ARHGEF28: variants seen among roughly 807,000 people sequenced by gnomAD.
The protein encoded by ARHGEF28 is Rho guanine nucleotide exchange factor 28, also known as 190 kDa guanine nucleotide exchange factor.
In ARHGEF28, 152 loss-of-function variants were observed where a neutral mutation model predicts 206.6. The ratio of observed to expected loss-of-function variants is 0.74; its 90% CI spans 0.64 to 0.84. The LOEUF is 0.84. Ranked by LOEUF, ARHGEF28 falls within the 40% of genes least tolerant of loss-of-function variation. The pLI is 0.00. For synonymous variants in ARHGEF28, 763 were observed against 776.4 expected, an observed-to-expected ratio of 0.98 and a Z score of 0.29; for missense variants, 2,028 against 2,073.2, an observed-to-expected ratio of 0.98 and a Z score of 0.42.
chr5:73,892,162 T>C lies in ARHGEF28; in HGVS notation c.3498T>C (p.Tyr1166=), dbSNP rs367976947. The change falls in exon 27 of 36, where the codon TAT becomes TAC. Residue 1166 remains tyrosine, a synonymous_variant. Transcript: ENST00000513042. ...ISASSAGPEM[Y]EIHTNSKEER... ...CTTCATCTGCTGGTCCTGAGATGTA[T>C]GAAATTCACACCAATTCCAAGGAGG... 4.1e-5 allele frequency: 65 copies of C among 1,583,120 alleles called. No homozygotes were observed. The African/African-American group carries it at 7.0e-4, about 17-fold the overall frequency.
chr5:73,827,406 G>A (rs1180129879), intron 9 of ARHGEF28, among the ~76,000 whole-genome samples: 1 of 152,126 alleles, frequency 6.6e-6, no homozygotes, highest in Non-Finnish European at 1.5e-5. Flanking sequence ...TAAATATTTA[G>A]GAAGCATAAC....
chr5:73,807,860 T>C (rs1407381506), intron 9 of ARHGEF28, among the ~76,000 whole-genome samples: 1 of 151,540 alleles, frequency 6.6e-6, no homozygotes, highest in Non-Finnish European at 1.5e-5. Flanking sequence ...TTATATTTAT[T>C]AATAATAGAT....
intron 8 of ARHGEF28, 76 bp from the exon 9 acceptor site, chr5:73,795,255 T>C (rs938267561): frequency 2.9e-6 from 4 of 1,376,726 alleles, no homozygotes; most frequent in Non-Finnish European, 2.0e-6. Context: ...AGGTTGTTTT[T>C]CTAGTTCACA....
chr5:73,713,588 G>C (rs1749385327), intron 2 of ARHGEF28, among the ~76,000 whole-genome samples: 1 of 152,068 alleles, frequency 6.6e-6, no homozygotes, highest in African/African-American at 2.4e-5. Flanking sequence ...ATGTAATCTT[G>C]ACATGTTTGT....
intron 9 of ARHGEF28, among the ~76,000 whole-genome samples, chr5:73,814,484 G>T (rs1580655166): frequency 6.6e-6 from 1 of 151,794 alleles, no homozygotes; most frequent in African/African-American, 2.4e-5. Flanking sequence ...GCTGGGCTTA[G>T]CTGGCAGTGA....
intron 4 of ARHGEF28, among the ~76,000 whole-genome samples, chr5:73,766,020 C>G (rs1369456893): frequency 6.6e-6 from 1 of 151,742 alleles, no homozygotes; most frequent in Non-Finnish European, 1.5e-5. Context: ...GGCGCAGTGG[C>G]GGGTGCCTGT....
intron 18 of ARHGEF28, 106 bp from the exon 19 acceptor site, chr5:73,867,770 A>T (rs957425932): frequency 1.4e-6 from 2 of 1,442,114 alleles, no homozygotes; most frequent in Admixed American, 3.8e-5. Flanking sequence ...CATGCATCAG[A>T]TTACAAGTAG....
chr5:73,721,080 A>G (rs1159534605), intron 2 of ARHGEF28, among the ~76,000 whole-genome samples: 1 of 152,148 alleles, frequency 6.6e-6, no homozygotes, highest in Non-Finnish European at 1.5e-5. Flanking sequence ...TGAGAATCTG[A>G]AGAACAGGAA....
rs1288359486 is a variant in ARHGEF28, at chr5:73,883,834, G to A, written c.3005G>A (p.Arg1002His). ...IPECILLVTQ[R>H]ITKYPVLVER... ...GAATGCATTCTGTTGGTCACTCAGC[G>A]TATTACAAAATACCCTGTCTTGGTG... The change falls in exon 24 of 36, where the codon CGT (arginine) becomes CAT (histidine). Residue 1002 changes from arginine (R) to histidine (H), a missense_variant. Transcript: ENST00000513042. The A allele has an allele frequency of 1.0e-5, 16 of 1,579,030 alleles. No individual in the cohort carries two copies. Among genetic ancestry groups the A allele is most frequent in the Middle Eastern group, 1.7e-4 (1 of 6,040 alleles).
At chr5:73,783,970 T>A (rs1330997198) in intron 7 of ARHGEF28, among the ~76,000 whole-genome samples, 1 of 152,194 alleles carries the variant, frequency 6.6e-6, no homozygotes, top group Admixed American at 6.5e-5. Context: ...TTTGTATTTG[T>A]CTACCCTTGA....
At chr5:73,766,620 C>CT (rs1035709990) in intron 4 of ARHGEF28, among the ~76,000 whole-genome samples, 20 of 152,196 alleles carry the variant, frequency 1.3e-4, no homozygotes, top group African/African-American at 4.6e-4. Context: ...AGTGTGATGA[C>CT]TTGGCCCTGC....
At chr5:73,663,637 C>G (rs746346036) in intron 1 of ARHGEF28, among the ~76,000 whole-genome samples, 1 of 152,214 alleles carries the variant, frequency 6.6e-6, no homozygotes, top group Non-Finnish European at 1.5e-5. Context: ...TGTTGGCAAA[C>G]AGTTCATGTG....
chr5:73,912,159 GA>G (rs1402639985), intron 35 of ARHGEF28, among the ~76,000 whole-genome samples: 2 of 151,928 alleles, frequency 1.3e-5, no homozygotes, highest in East Asian at 3.9e-4. Flanking sequence ...AAGTATAAAT[GA>G]AAGGCAGCTC....
In ARHGEF28 at chr5:73,795,690, A is replaced by G. The variant is rs1665257356; in HGVS notation, c.1024+299A>G. On this transcript the variant is annotated intron_variant, in intron 9 of 35. Transcript: ENST00000513042. ...TGTTCCCTTGTTATTTCTGTGAAGTAGGCACTACCAGTCTCAGGTTCAGGT... is the reference window on the plus strand; with the variant it reads ...TGTTCCCTTGTTATTTCTGTGAAGTGGGCACTACCAGTCTCAGGTTCAGGT... 2.0e-5 allele frequency among the ~76,000 whole-genome samples: 3 copies of G among 152,202 alleles called. No individual in the cohort carries two copies. The South Asian group carries it at 6.2e-4, about 32-fold the overall frequency.
chr5:73,880,718 A>T (rs1365068513), intron 22 of ARHGEF28, among the ~76,000 whole-genome samples: 1 of 152,172 alleles, frequency 6.6e-6, no homozygotes, highest in Non-Finnish European at 1.5e-5. Flanking sequence ...GGATCACTTG[A>T]GCTCAAGAGT....
chr5:73,797,515 C>T (rs558619401), intron 9 of ARHGEF28, among the ~76,000 whole-genome samples: 1 of 152,296 alleles, frequency 6.6e-6, no homozygotes, highest in African/African-American at 2.4e-5. Context: ...ATTCCCCTGC[C>T]TCAGCCTGCC....
intron 2 of ARHGEF28, among the ~76,000 whole-genome samples, chr5:73,730,601 A>C (rs958165271): frequency 3.5e-5 from 5 of 141,990 alleles, no homozygotes; most frequent in Admixed American, 7.5e-5. Context: ...TAGCACGATC[A>C]CAGCTCGCTG....
chr5:73,719,006 A>G (rs926377631), intron 2 of ARHGEF28, among the ~76,000 whole-genome samples: 34 of 152,194 alleles, frequency 2.2e-4, no homozygotes, highest in Admixed American at 1.7e-3. Flanking sequence ...ACTCACTCAG[A>G]AGTGTGTCAT....
intron 7 of ARHGEF28, among the ~76,000 whole-genome samples, chr5:73,788,835 T>C (rs1008642266): frequency 6.6e-6 from 1 of 152,208 alleles, no homozygotes; most frequent in Non-Finnish European, 1.5e-5. Context: ...TTAGAGCTTC[T>C]GTGTAATTGA....
Sources: allele counts gnomAD v4.1 joint callset (sites outside exome capture counted in the v4.1 genomes callset), GRCh38; gene constraint gnomAD v4.1.1; transcripts MANE v1.5; gene names NCBI Gene and HGNC (gene_info 2026-07-23, HGNC 2026-07-21).